Variants in RAPGEF1 observed in about 807,000 individuals in gnomAD.
RAPGEF1 encodes the protein CRK SH3-binding GNRP.
Under a neutral mutation model 143.3 loss-of-function variants are expected in RAPGEF1, and 33 were observed. That is an observed-to-expected ratio of 0.23 (90% CI 0.17 to 0.31). The LOEUF (loss-of-function observed/expected upper bound fraction) is 0.31. RAPGEF1 is among the 10% of genes least tolerant of loss of function. The pLI, the probability that RAPGEF1 is intolerant of heterozygous loss-of-function variation, is 1.00. For synonymous variants in RAPGEF1, 629 were observed against 676.5 expected, an observed-to-expected ratio of 0.93 and a Z score of 1.09; for missense variants, 1,199 against 1,645.4, an observed-to-expected ratio of 0.73 and a Z score of 4.69.
Position 131,628,089 on chromosome 9 carries a change from T to G in RAPGEF1, c.1025A>C (p.Asp342Ala). The G allele has an allele frequency of 6.5e-7, 1 of 1,545,258 alleles. No homozygotes were observed. The highest frequency in any genetic ancestry group is 8.7e-7 in the Non-Finnish European group (1 of 1,143,260). The change falls in exon 9 of 27, where the codon GAT becomes GCT. Residue 342 changes from aspartate to alanine, a missense_variant. Physicochemically the swap from Asp to Ala is moderately radical, Grantham distance 126. Coordinates refer to ENST00000683357, the MANE Select transcript of RAPGEF1 (RefSeq NM_001377935.1). This position sits in a 1 kb window ranked among gnomAD's most constrained non-coding sequence, Gnocchi z 5.7. ...TCGCCTCTGTGCGTAACAGTCAACA[T>G]CAAAATCCTCAAGTGGAAAAAGAAA... ...LPVGINRQDF[D>A]VDCYAQRRLS...
chr9:131,670,709 G>A (rs1445489566), intron 1 of RAPGEF1, among the ~76,000 whole-genome samples: 1 of 152,174 alleles, frequency 6.6e-6, no homozygotes, highest in African/African-American at 2.4e-5. Context: ...GTTATACACT[G>A]GCTCTCTCGA....
intron 22 of RAPGEF1, among the ~76,000 whole-genome samples, chr9:131,586,368 AC>A (rs1316777444): frequency 2.3e-5 from 2 of 86,846 alleles, no homozygotes; most frequent in East Asian, 7.0e-4. Context: ...ACACACACAC[AC>A]ACACCCACCT....
chr9:131,584,648 T>A lies in RAPGEF1; in HGVS notation c.3234-52A>T. 1 of 1,576,570 alleles carries A rather than the reference T, an allele frequency of 6.3e-7. No homozygotes were observed. The highest frequency in any genetic ancestry group is 8.7e-7 in the Non-Finnish European group (1 of 1,146,424). On this transcript the variant is annotated intron_variant, in intron 22 of 26. Transcript: ENST00000683357. This position sits in a 1 kb window ranked among gnomAD's most constrained non-coding sequence, Gnocchi z 6.8. ...AGCTGAGTTGACAAGTCCCTGCAGG[T>A]CCCAGGGGTCCTGGTGGAGACAGGA...
chr9:131,610,048 C>T (rs898255180), intron 12 of RAPGEF1, among the ~76,000 whole-genome samples: 2 of 152,250 alleles, frequency 1.3e-5, no homozygotes, highest in South Asian at 2.1e-4. Flanking sequence ...AGGCATGTGT[C>T]GCCAGGTACA....
intron 1 of RAPGEF1, among the ~76,000 whole-genome samples, chr9:131,666,052 G>T (rs1463513379): frequency 6.6e-6 from 1 of 152,194 alleles, no homozygotes; most frequent in East Asian, 1.9e-4. Context: ...GCAGATAAAA[G>T]AATCAATGAA....
chr9:131,699,080 T>A (rs772145363), intron 1 of RAPGEF1, among the ~76,000 whole-genome samples: 6 of 152,120 alleles, frequency 3.9e-5, no homozygotes, highest in Non-Finnish European at 8.8e-5. Context: ...TATTTCACCC[T>A]TTATGAAAAA....
rs200860816 is a variant in RAPGEF1 at position 131,652,528 on chromosome 9, A to AT, written c.62-1580dup. 1.8e-3 allele frequency among the ~76,000 whole-genome samples: 276 copies of AT among 151,014 alleles called. 1 individual carries two copies. The highest frequency in any genetic ancestry group is 3.1e-3 in the Non-Finnish European group (209 of 67,708). Reference sequence around the variant, plus strand: ...GCTTTTTTCTATTTAAAAAATTATTATTTTTTTTTCACTTTTAAAACTTTT... The same window carrying AT: ...GCTTTTTTCTATTTAAAAAATTATTATTTTTTTTTTCACTTTTAAAACTTTT... On this transcript the variant is annotated intron_variant, in intron 1 of 26. Transcript: ENST00000683357.
At chr9:131,708,245 A>C (rs1327512224) in intron 1 of RAPGEF1, among the ~76,000 whole-genome samples, 1 of 152,184 alleles carries the variant, frequency 6.6e-6, no homozygotes, top group Non-Finnish European at 1.5e-5. Context: ...TTGTGAAAAA[A>C]CTGTCTTGCT....
chr9:131,645,240 T>C (rs1304097814), intron 3 of RAPGEF1, among the ~76,000 whole-genome samples: 1 of 152,182 alleles, frequency 6.6e-6, no homozygotes, highest in Non-Finnish European at 1.5e-5. Flanking sequence ...CCTAAAGCCA[T>C]GGTCAACCAG....
At chr9:131,638,922 T>G in intron 4 of RAPGEF1, 131 bp from the exon 5 acceptor site, 1 of 840,856 alleles carries the variant, frequency 1.2e-6, no homozygotes, top group Non-Finnish European at 1.8e-6. Flanking sequence ...TGCCTTTTAA[T>G]AAGCAAACTT....
At chr9:131,732,689 T>C (rs1334604162) in intron 1 of RAPGEF1, among the ~76,000 whole-genome samples, 3 of 132,048 alleles carry the variant, frequency 2.3e-5, no homozygotes, top group East Asian at 2.1e-4. Flanking sequence ...AACATCCTAA[T>C]TGGCAATTTG....
rs956990612 is a variant in RAPGEF1, at chr9:131,666,236, G to T, written c.62-15287C>A. Among the ~76,000 whole-genome samples, 3 of 152,148 alleles carry T rather than the reference G, an allele frequency of 2.0e-5. No individual in the cohort carries two copies. The East Asian group carries it at 5.8e-4, about 29-fold the overall frequency. On this transcript the variant is annotated intron_variant, in intron 1 of 26. Coordinates refer to ENST00000683357, the MANE Select transcript of RAPGEF1 (RefSeq NM_001377935.1). The stretch of plus-strand genomic sequence containing the variant: ...TCTTTGGTGGGACGCTTCAGCCTGG[G>T]TTACTAGAACATCTGTTGTTCAAGC...
chr9:131,590,852 C>T (rs1003576000), intron 18 of RAPGEF1, among the ~76,000 whole-genome samples: 7 of 152,260 alleles, frequency 4.6e-5, no homozygotes, highest in East Asian at 1.9e-4. Context: ...GGGCAAGCAG[C>T]GTGTGGCTGC....
intron 5 of RAPGEF1, among the ~76,000 whole-genome samples, chr9:131,631,845 A>T (rs369972504): frequency 2.6e-5 from 4 of 152,262 alleles, no homozygotes; most frequent in African/African-American, 9.6e-5. Context: ...GTCAATAATC[A>T]TAAGACATTC....
intron 1 of RAPGEF1, among the ~76,000 whole-genome samples, chr9:131,706,105 A>G (rs915868302): frequency 1.3e-5 from 2 of 152,126 alleles, no homozygotes; most frequent in East Asian, 1.9e-4. Flanking sequence ...GCAAATCCAC[A>G]TAACGATATG....
At chr9:131,679,260 G>A (rs777083935) in intron 1 of RAPGEF1, among the ~76,000 whole-genome samples, 4 of 152,200 alleles carry the variant, frequency 2.6e-5, no homozygotes, top group Non-Finnish European at 4.4e-5. Context: ...GGGAAGACAA[G>A]CCTAAGGGGC....
chr9:131,687,774 C>T (rs916918022), intron 1 of RAPGEF1, among the ~76,000 whole-genome samples: 1 of 152,176 alleles, frequency 6.6e-6, no homozygotes, highest in African/African-American at 2.4e-5. Flanking sequence ...CCACGCCACA[C>T]ATCCCAGGAT....
intron 19 of RAPGEF1, among the ~76,000 whole-genome samples, chr9:131,589,505 G>A (rs539979753): frequency 2.6e-5 from 4 of 152,232 alleles, no homozygotes; most frequent in Non-Finnish European, 5.9e-5. Context: ...CTGTCAGATG[G>A]CCAGCCATGG....
At chr9:131,738,322 C>G (rs1837550784) in intron 1 of RAPGEF1, among the ~76,000 whole-genome samples, 1 of 151,988 alleles carries the variant, frequency 6.6e-6, no homozygotes, top group Non-Finnish European at 1.5e-5. Context: ...ATCCAAGTTT[C>G]CCAACAGTAC....
Sources: allele counts gnomAD v4.1 joint callset (sites outside exome capture counted in the v4.1 genomes callset), GRCh38; gene constraint gnomAD v4.1.1; non-coding constraint Gnocchi (gnomAD v3.1); transcripts MANE v1.5; gene names NCBI Gene and HGNC (gene_info 2026-07-23, HGNC 2026-07-21).